MKLN1: variants seen among roughly 807,000 people sequenced by gnomAD.
MKLN1 encodes muskelin.
Under a neutral mutation model 99.0 loss-of-function variants are expected in MKLN1, and 18 were observed. The ratio of observed to expected loss-of-function variants is 0.18; its 90% CI spans 0.13 to 0.27. The LOEUF (loss-of-function observed/expected upper bound fraction) is 0.27. MKLN1 is among the 10% of genes least tolerant of loss of function. MKLN1 has a pLI of 1.00. For missense variants in MKLN1, 621 were observed against 875.9 expected, an observed-to-expected ratio of 0.71 and a Z score of 3.67; for synonymous variants, 288 against 293.2, an observed-to-expected ratio of 0.98 and a Z score of 0.18.
At chr7:131,472,826 C>A (rs1796858370) in intron 16 of MKLN1, among the ~76,000 whole-genome samples, 1 of 151,872 alleles carries the variant, frequency 6.6e-6, no homozygotes, top group African/African-American at 2.4e-5. Flanking sequence ...TAGTGGGCTC[C>A]TGTAGTCCCA....
intron 2 of MKLN1, among the ~76,000 whole-genome samples, chr7:131,143,098 C>T (rs1419702168): frequency 6.6e-6 from 1 of 152,172 alleles, no homozygotes; most frequent in Non-Finnish European, 1.5e-5. Flanking sequence ...TTTGAATATG[C>T]TATGTGTACA....
At chr7:131,244,023 AC>A (rs1371751649) in intron 3 of MKLN1, among the ~76,000 whole-genome samples, 1 of 152,112 alleles carries the variant, frequency 6.6e-6, no homozygotes, top group Admixed American at 6.5e-5. Flanking sequence ...AAAAAAACAA[AC>A]AAACAAAAAA....
At chr7:131,280,327 GAGT>G (rs1798032978) in intron 3 of MKLN1, among the ~76,000 whole-genome samples, 3 of 152,298 alleles carry the variant, frequency 2.0e-5, no homozygotes, top group Admixed American at 2.0e-4. Context: ...ATATGGCTAG[GAGT>G]AGAATTCCTG....
intron 1 of MKLN1, among the ~76,000 whole-genome samples, chr7:131,352,311 A>AG (rs1799744140): frequency 1.3e-5 from 2 of 152,160 alleles, no homozygotes; most frequent in East Asian, 3.9e-4. Context: ...ATGACTTTAT[A>AG]TAACATGCTT....
intron 1 of MKLN1, among the ~76,000 whole-genome samples, chr7:131,336,248 G>A (rs1799246947): frequency 6.6e-6 from 1 of 151,796 alleles, no homozygotes; most frequent in African/African-American, 2.4e-5. Flanking sequence ...AGTCTTCTTA[G>A]CTACACCTGC....
chr7:131,387,888 G>C (rs1259806903), intron 3 of MKLN1, among the ~76,000 whole-genome samples: 1 of 152,202 alleles, frequency 6.6e-6, no homozygotes, highest in Non-Finnish European at 1.5e-5. Flanking sequence ...ATTTGTGATG[G>C]CTGGGTGTGG....
chr7:131,206,541 A>C (rs1283974638), intron 3 of MKLN1, among the ~76,000 whole-genome samples: 1 of 148,692 alleles, frequency 6.7e-6, no homozygotes, highest in East Asian at 2.0e-4. Context: ...TATAATTATT[A>C]TTATTATTAT....
At chr7:131,136,711 C>T (rs1795654113) in intron 1 of MKLN1, among the ~76,000 whole-genome samples, 1 of 152,202 alleles carries the variant, frequency 6.6e-6, no homozygotes, top group Non-Finnish European at 1.5e-5. Flanking sequence ...TCCCGTTGCA[C>T]CACATGTCCT....
chr7:131,470,765 A>G (rs573747603), intron 15 of MKLN1, 77 bp from the exon 16 acceptor site: 9 of 953,084 alleles, frequency 9.4e-6, no homozygotes, highest in Admixed American at 9.2e-5. Flanking sequence ...ATAACAGTGT[A>G]TTTTATTCCA....
chr7:131,272,408 A>G (rs1213987564), intron 3 of MKLN1, among the ~76,000 whole-genome samples: 1 of 152,358 alleles, frequency 6.6e-6, no homozygotes, highest in East Asian at 1.9e-4. Flanking sequence ...AGGAGGAAGT[A>G]CAAGTAGTCC....
chr7:131,396,136 C>T (rs1794352580), intron 4 of MKLN1, among the ~76,000 whole-genome samples: 1 of 152,028 alleles, frequency 6.6e-6, no homozygotes, highest in African/African-American at 2.4e-5. Context: ...ACAGTGGTGT[C>T]ATGGCAGCTC....
chr7:131,478,634 G>C lies in MKLN1; in HGVS notation c.2043G>C (p.Leu681=). ...DPEETKEFQL[L]ASALFKSGSD... is the part of the protein sequence containing the mutation. ...TTTTTTTTAAACAGTTTCAGCTCCTGGCATCAGCTCTATTCAAATCTGGTT... is the reference window on the plus strand; with the variant it reads ...TTTTTTTTAAACAGTTTCAGCTCCTCGCATCAGCTCTATTCAAATCTGGTT... The change falls in exon 17 of 18, where the codon CTG becomes CTC. Residue 681 remains leucine, a synonymous_variant. Coordinates refer to ENST00000352689, the MANE Select transcript of MKLN1 (RefSeq NM_013255.5). The C allele has an allele frequency of 1.5e-6, 2 of 1,356,986 alleles. No individual in the cohort carries two copies. Among genetic ancestry groups the C allele is most frequent in the Non-Finnish European group, 9.7e-7 (1 of 1,026,524 alleles). 84.1% of individuals were successfully genotyped at this position (1,356,986 alleles called of 1,614,324 possible). A position where few individuals can be genotyped will look rare whatever the true frequency, so the allele number is the denominator to read the frequency against.
chr7:131,317,858 T>G (rs561110688), intron 3 of MKLN1, among the ~76,000 whole-genome samples: 53 of 151,058 alleles, frequency 3.5e-4, no homozygotes, highest in African/African-American at 1.1e-3. Context: ...ACAAGGGCAT[T>G]ACAGAATGGT....
At chr7:131,336,713 A>G (rs1563299126) in intron 1 of MKLN1, among the ~76,000 whole-genome samples, 2 of 152,228 alleles carry the variant, frequency 1.3e-5, no homozygotes, top group Admixed American at 1.3e-4. Flanking sequence ...GACCCTAGAA[A>G]ACTTTAATAG....
In MKLN1 at chr7:131,468,998, T is replaced by G. The variant is rs879905259; in HGVS notation, c.1929-1844T>G. Among the ~76,000 whole-genome samples, 28 of 152,202 alleles carry G rather than the reference T, an allele frequency of 1.8e-4. 1 individual carries two copies. The highest frequency in any genetic ancestry group is 1.9e-4 in the Non-Finnish European group (13 of 68,032). ...CGGTGAAACTGGATGGAGAATTGTT[T>G]AGGATACTGGAACAATTCTAGTAGC... On this transcript the variant is annotated intron_variant, in intron 15 of 17. Transcript: ENST00000352689.
chr7:131,438,566 T>G (rs1436516777), intron 10 of MKLN1, among the ~76,000 whole-genome samples: 1 of 151,160 alleles, frequency 6.6e-6, no homozygotes, highest in Non-Finnish European at 1.5e-5. Context: ...ATTTTAATAT[T>G]AATATACATG....
intron 2 of MKLN1, among the ~76,000 whole-genome samples, chr7:131,184,821 C>T (rs549908723): frequency 3.2e-4 from 48 of 152,260 alleles, no homozygotes; most frequent in East Asian, 1.9e-4. Context: ...CCACCATGCC[C>T]GGCCAGCAAT....
chr7:131,262,659 T>C (rs1797749886), intron 3 of MKLN1, among the ~76,000 whole-genome samples: 1 of 151,882 alleles, frequency 6.6e-6, no homozygotes, highest in Non-Finnish European at 1.5e-5. Context: ...CAAGCGATTC[T>C]CCTCCCTCAG....
chr7:131,167,682 A>AAAAT (rs1288186243), intron 2 of MKLN1, among the ~76,000 whole-genome samples: 2 of 151,912 alleles, frequency 1.3e-5, no homozygotes, highest in Admixed American at 6.6e-5. Context: ...AAAAAAAAAA[A>AAAAT]AAAATAATGT....
Sources: gnomAD v4.1 joint callset for allele counts (sites outside exome capture counted in the v4.1 genomes callset) on GRCh38, gnomAD v4.1.1 for gene constraint, MANE v1.5 for transcripts, NCBI Gene and HGNC (gene_info 2026-07-23, HGNC 2026-07-21) for gene names.